Variants in PID1 observed in about 807,000 individuals in gnomAD.
PID1 encodes the protein PTB-containing, cubilin and LRP1-interacting protein.
A neutral mutation model predicts 19.1 loss-of-function variants in PID1; 10 were observed. The observed-to-expected ratio is 0.52, with a 90% CI of 0.32 to 0.89. The LOEUF is 0.89. PID1 is among the 40% of genes least tolerant of loss of function. The probability of loss-of-function intolerance (pLI) is 0.03; values close to 1 mark genes in which losing one functional copy is unlikely to be tolerated. For synonymous variants in PID1, 130 were observed against 116.0 expected, an observed-to-expected ratio of 1.12 and a Z score of -0.78; for missense variants, 248 against 285.3, an observed-to-expected ratio of 0.87 and a Z score of 0.94.
At position 229,222,864 on chromosome 2, in the gene PID1, AACAC is replaced by A. The variant is rs72386398; in HGVS notation, c.30+48146_30+48149del. Among the ~76,000 whole-genome samples the A allele has an allele frequency of 9.2e-3, 954 of 103,874 alleles. 15 individuals are homozygous for A. The highest frequency in any genetic ancestry group is 0.046 in the Admixed American group (518 of 11,374). 68.1% of individuals were successfully genotyped at this position (103,874 alleles called of 152,430 possible). A position where few individuals can be genotyped will look rare whatever the true frequency, so the allele number is the denominator to read the frequency against. ...ATTTTAAAAAGTCTCTTCACACACA[AACAC>A]ACACACACACACACACACACACACA... On this transcript the variant is annotated intron_variant, in intron 1 of 2. Coordinates refer to ENST00000392055, the MANE Select transcript of PID1 (RefSeq NM_001100818.2).
At chr2:229,075,958 G>A (rs1358575671) in intron 2 of PID1, among the ~76,000 whole-genome samples, 1 of 152,086 alleles carries the variant, frequency 6.6e-6, no homozygotes, top group East Asian at 1.9e-4. Flanking sequence ...TCACCACTTT[G>A]TCTCTTACTT....
intron 1 of PID1, among the ~76,000 whole-genome samples, chr2:229,258,187 A>G (rs1219896765): frequency 1.3e-5 from 2 of 152,226 alleles, no homozygotes; most frequent in Non-Finnish European, 2.9e-5. Flanking sequence ...AGAAAAATGC[A>G]TGAACTAGGA....
intron 1 of PID1, among the ~76,000 whole-genome samples, chr2:229,187,796 G>T (rs1247726532): frequency 6.6e-6 from 1 of 152,094 alleles, no homozygotes; most frequent in Non-Finnish European, 1.5e-5. Context: ...CTCCACCACA[G>T]CTATTTTCCC....
chr2:229,215,772 G>C (rs1328654633), intron 1 of PID1, among the ~76,000 whole-genome samples: 1 of 152,170 alleles, frequency 6.6e-6, no homozygotes, highest in East Asian at 1.9e-4. Context: ...TCAGAATAAA[G>C]TAAATAAAAG....
intron 2 of PID1, among the ~76,000 whole-genome samples, chr2:229,112,442 A>T (rs1695316957): frequency 6.6e-6 from 1 of 152,074 alleles, no homozygotes; most frequent in Admixed American, 6.5e-5. Context: ...CTAGAAATGC[A>T]CCTCCTAAAC....
At chr2:229,147,871 G>A (rs2106187651) in intron 2 of PID1, among the ~76,000 whole-genome samples, 2 of 152,252 alleles carry the variant, frequency 1.3e-5, no homozygotes, top group East Asian at 1.9e-4. Context: ...AAAGGACCAC[G>A]ATTTACAGCT....
chr2:229,257,691 G>A (rs2106288879), intron 1 of PID1, among the ~76,000 whole-genome samples: 1 of 152,294 alleles, frequency 6.6e-6, no homozygotes, highest in Non-Finnish European at 1.5e-5. Flanking sequence ...AAAGGAGGTT[G>A]AGTTGAATGT....
chr2:229,171,427 GTTAAACAA>G (rs1156808697), intron 1 of PID1, among the ~76,000 whole-genome samples: 2 of 152,094 alleles, frequency 1.3e-5, no homozygotes, highest in African/African-American at 2.4e-5. Flanking sequence ...CTTTAGGAAG[GTTAAACAA>G]AAAGAGTAAA....
At chr2:229,150,534 C>A (rs1312374434) in intron 2 of PID1, among the ~76,000 whole-genome samples, 1 of 152,214 alleles carries the variant, frequency 6.6e-6, no homozygotes, top group African/African-American at 2.4e-5. Context: ...CCTATACACA[C>A]ACCTCCCCTT....
rs1693413418 is a variant in PID1, at chr2:229,026,001, A to G, written c.285T>C (p.Asp95=). Residue 95 remains aspartate (D), a synonymous_variant, in exon 3 of 3, where the codon GAT becomes GAC. Coordinates refer to ENST00000392055, the MANE Select transcript of PID1 (RefSeq NM_001100818.2). Reference sequence around the variant, plus strand: ...CCAGGAGGGCATTGGCCGGAAAGACATCCTCTCGGGCTAGCGTGTGCTTCT... The same window carrying G: ...CCAGGAGGGCATTGGCCGGAAAGACGTCCTCTCGGGCTAGCGTGTGCTTCT... The part of the protein sequence containing the change: ...LWKKHTLARE[D]VFPANALLEI... 2 of 1,614,090 alleles carry G rather than the reference A, an allele frequency of 1.2e-6. No homozygotes were observed. Among genetic ancestry groups the G allele is most frequent in the South Asian group, 1.1e-5 (1 of 91,090 alleles).
At chr2:229,054,717 TGTGGG>T (rs1304316550) in intron 2 of PID1, among the ~76,000 whole-genome samples, 3 of 8,750 alleles carry the variant, frequency 3.4e-4, no homozygotes, top group South Asian at 7.7e-3. Flanking sequence ...TGTGTGTGTG[TGTGGG>T]GGGGGGGGGG....
At chr2:229,158,937 A>AG (rs1010504186) in intron 1 of PID1, among the ~76,000 whole-genome samples, 2 of 151,690 alleles carry the variant, frequency 1.3e-5, no homozygotes, top group African/African-American at 4.8e-5. Context: ...TGTGAAGGGT[A>AG]GGGGGGAGCT....
intron 1 of PID1, among the ~76,000 whole-genome samples, chr2:229,212,037 G>A (rs1481807678): frequency 6.6e-6 from 1 of 152,160 alleles, no homozygotes; most frequent in Non-Finnish European, 1.5e-5. Flanking sequence ...CACAAAGACA[G>A]GTGGTATCAA....
At chr2:229,034,472 C>T (rs1574571442) in intron 2 of PID1, among the ~76,000 whole-genome samples, 1 of 152,288 alleles carries the variant, frequency 6.6e-6, no homozygotes, top group African/African-American at 2.4e-5. Context: ...GACAGTAGGA[C>T]CCAGAAACCT....
intron 2 of PID1, among the ~76,000 whole-genome samples, chr2:229,145,350 C>T (rs1171214586): frequency 1.3e-5 from 2 of 151,326 alleles, no homozygotes; most frequent in Non-Finnish European, 2.9e-5. Context: ...GAATTTCTAC[C>T]AACTTAATTA....
At chr2:229,083,126 T>C (rs1026013604) in intron 2 of PID1, among the ~76,000 whole-genome samples, 1 of 152,070 alleles carries the variant, frequency 6.6e-6, no homozygotes, top group African/African-American at 2.4e-5. Flanking sequence ...ACCCAAGAGA[T>C]TGTAGGAACA....
intron 2 of PID1, among the ~76,000 whole-genome samples, chr2:229,118,390 C>T (rs1410698931): frequency 3.3e-5 from 5 of 152,194 alleles, no homozygotes; most frequent in Admixed American, 3.3e-4. Flanking sequence ...CTGCTATTCA[C>T]GTGCCTATAT....
chr2:229,250,763 A>T (rs1690129514), intron 1 of PID1, among the ~76,000 whole-genome samples: 2 of 152,090 alleles, frequency 1.3e-5, no homozygotes, highest in African/African-American at 2.4e-5. Flanking sequence ...GCTTTTGTTT[A>T]CCTAATAAAA....
At chr2:229,031,822 C>A (rs1275929371) in intron 2 of PID1, among the ~76,000 whole-genome samples, 1 of 152,182 alleles carries the variant, frequency 6.6e-6, no homozygotes, top group Non-Finnish European at 1.5e-5. Flanking sequence ...GTGCACTTTG[C>A]TCTAGGAAGT....
Sources: allele counts gnomAD v4.1 joint callset (sites outside exome capture counted in the v4.1 genomes callset), GRCh38; gene constraint gnomAD v4.1.1; transcripts MANE v1.5; gene names NCBI Gene and HGNC (gene_info 2026-07-23, HGNC 2026-07-21).